Variants in CWF19L1 observed in about 807,000 individuals in gnomAD.
CWF19L1 encodes the protein CWF19-like protein 1.
A neutral mutation model predicts 69.7 loss-of-function variants in CWF19L1; 60 were observed. The observed-to-expected ratio is 0.86, with a 90% confidence interval of 0.70 to 1.07. The LOEUF (loss-of-function observed/expected upper bound fraction) is 1.07. CWF19L1 is among the 50% of genes least tolerant of loss of function. CWF19L1 has a pLI of 0.00. For missense variants in CWF19L1, 591 were observed against 638.9 expected (o/e 0.92, Z 0.81); for synonymous variants, 209 against 222.2 (o/e 0.94, Z 0.53).
chr10:100,233,565 A>G (rs1846342558), intron 13 of CWF19L1, 194 bp from the exon 14 acceptor site: 1 of 416,300 alleles, frequency 2.4e-6, no homozygotes, highest in South Asian at 8.6e-5. Context: ...GATCCTTCAA[A>G]CCCCACTTGC....
chr10:100,237,025 C>T, intron 11 of CWF19L1, 56 bp from the exon 12 acceptor site: 1 of 1,535,996 alleles, frequency 6.5e-7, no homozygotes, highest in Non-Finnish European at 8.8e-7. Flanking sequence ...GAAGTTGTGC[C>T]TGCACAGTCT....
intron 4 of CWF19L1, among the ~76,000 whole-genome samples, chr10:100,257,727 A>C (rs962560421): frequency 1.3e-5 from 2 of 152,042 alleles, no homozygotes; most frequent in Admixed American, 6.6e-5. Flanking sequence ...AGTTGACAAT[A>C]TCTTTACCTC....
rs557712843 is a variant in CWF19L1, at chr10:100,260,187, C to A, written c.289+31G>T. 720 of 1,304,116 alleles carry A rather than the reference C, an allele frequency of 5.5e-4. 2 individuals carry two copies. The African/African-American group carries it at 1.0e-2, about 18-fold the overall frequency. The allele number at this position is 1,304,116 out of a possible 1,614,324, so 80.8% of individuals were successfully genotyped here. A position where few individuals can be genotyped will look rare whatever the true frequency, so the allele number is the denominator to read the frequency against. The stretch of plus-strand genomic sequence containing the variant: ...CGTCTCAAAAACAAAAAACAAAAAA[C>A]AAAAAAAAAATACAACAAGTATCAG... On this transcript the variant is annotated intron_variant, in intron 4 of 13. Transcript: ENST00000354105.
chr10:100,255,985 A>C (rs888922689), intron 5 of CWF19L1, among the ~76,000 whole-genome samples: 2 of 152,136 alleles, frequency 1.3e-5, no homozygotes, highest in African/African-American at 4.8e-5. Flanking sequence ...AAACATTAAG[A>C]GGCTTAGGAA....
At chr10:100,258,843 GA>G (rs1354357844) in intron 4 of CWF19L1, among the ~76,000 whole-genome samples, 1 of 149,906 alleles carries the variant, frequency 6.7e-6, no homozygotes, top group African/African-American at 2.5e-5. Flanking sequence ...CAAAGGAAAT[GA>G]AGAAGTTTTC....
intron 1 of CWF19L1, among the ~76,000 whole-genome samples, chr10:100,267,075 C>T (rs1341489218): frequency 1.3e-5 from 2 of 149,486 alleles, no homozygotes; most frequent in South Asian, 2.1e-4. Flanking sequence ...GCGTCCGGCA[C>T]ACTGCAGTTC....
intron 2 of CWF19L1, 64 bp from the exon 3 acceptor site, chr10:100,261,108 G>T: frequency 9.6e-7 from 1 of 1,046,646 alleles, no homozygotes; most frequent in Non-Finnish European, 1.4e-6. Context: ...ATAATTGATA[G>T]TAATATTCAA....
chr10:100,259,536 T>C (rs921187299), intron 4 of CWF19L1, among the ~76,000 whole-genome samples: 1 of 152,186 alleles, frequency 6.6e-6, no homozygotes, highest in African/African-American at 2.4e-5. Flanking sequence ...CAAGATTGTA[T>C]GGTAAAGCCA....
rs576628226 is a variant in CWF19L1 at position 100,235,874 on chromosome 10, T to C, written c.1375-110A>G. 220 of 764,842 alleles carry C rather than the reference T, an allele frequency of 2.9e-4. 3 individuals carry two copies. The South Asian group carries it at 3.3e-3, about 11-fold the overall frequency. 47.4% of individuals were successfully genotyped at this position (764,842 alleles called of 1,614,324 possible). On this transcript the variant is annotated intron_variant, in intron 12 of 13. Transcript: ENST00000354105. ...TCTAAATGCACAAGAAAAAAAGATA[T>C]GTATGTTGCTATAGATCCCAAGCCA...
chr10:100,243,776 A>T lies in CWF19L1; in HGVS notation c.966T>A (p.Pro322=). The T allele has an allele frequency of 6.2e-7, 1 of 1,613,978 alleles. No individual in the cohort carries two copies. Among genetic ancestry groups the T allele is most frequent in the Non-Finnish European group, 8.5e-7 (1 of 1,179,826 alleles). The change falls in exon 10 of 14, where the codon CCT becomes CCA. Residue 322 remains proline (P), a splice_region_variant and synonymous_variant. Transcript: ENST00000354105. The part of the protein sequence containing the change: ...SPHPKQPRKP[P]QPPGPCWFCL... Reference sequence around the variant, plus strand: ...AAAACCAGCAGGGTCCTGGAGGCTGAGCTTCATGTAAAAGAAAGCCAGGTG... The same window carrying T: ...AAAACCAGCAGGGTCCTGGAGGCTGTGCTTCATGTAAAAGAAAGCCAGGTG...
chr10:100,249,021 G>T, intron 7 of CWF19L1: 1 of 618,766 alleles, frequency 1.6e-6, no homozygotes, highest in South Asian at 1.7e-5. Context: ...TATACTCTGG[G>T]AACATCAGCT....
At chr10:100,247,598 T>G (rs1846869543) in intron 7 of CWF19L1, among the ~76,000 whole-genome samples, 1 of 152,114 alleles carries the variant, frequency 6.6e-6, no homozygotes, top group South Asian at 2.1e-4. Context: ...AAAACTTTAA[T>G]AAAACTTTGA....
chr10:100,235,986 T>G lies in CWF19L1; in HGVS notation c.1375-222A>C, dbSNP rs191137755. On this transcript the variant is annotated intron_variant, in intron 12 of 13. Transcript: ENST00000354105. Reference sequence around the variant, plus strand: ...CGTCTATCCTTCTAAGTTCCTACCTTAGGAAATTCTAATTTCTTGCTCTTC... The same window carrying G: ...CGTCTATCCTTCTAAGTTCCTACCTGAGGAAATTCTAATTTCTTGCTCTTC... Among the ~76,000 whole-genome samples the G allele has an allele frequency of 2.6e-3, 389 of 152,288 alleles. 2 individuals carry two copies. The highest frequency in any genetic ancestry group is 9.1e-3 in the African/African-American group (379 of 41,576).
intron 10 of CWF19L1, 57 bp downstream of exon 10, chr10:100,243,641 G>A: frequency 7.0e-7 from 1 of 1,421,764 alleles, no homozygotes; most frequent in Non-Finnish European, 9.9e-7. Flanking sequence ...CCTCAATAAA[G>A]TTAATAAAAA....
chr10:100,261,042 C>T lies in CWF19L1; in HGVS notation c.111G>A (p.Leu37=). The T allele has an allele frequency of 6.2e-7, 1 of 1,610,706 alleles. No homozygotes were observed. Among genetic ancestry groups the T allele is most frequent in the Non-Finnish European group, 8.5e-7 (1 of 1,177,468 alleles). Residue 37 remains leucine, a splice_region_variant and synonymous_variant, in exon 3 of 14, where the codon CTG becomes CTA. Coordinates refer to ENST00000354105, the MANE Select transcript of CWF19L1 (RefSeq NM_018294.6). ...AIQKKSGNFD[L]LLCVGNFFGS... is the part of the protein sequence containing the mutation. ...CAAAGAAATTTCCTACACACAACAG[C>T]AGCTAAAATGAGTTTTTTAAACAGA...
intron 2 of CWF19L1, among the ~76,000 whole-genome samples, chr10:100,261,590 T>C (rs752705624): frequency 3.9e-5 from 6 of 152,206 alleles, no homozygotes; most frequent in Non-Finnish European, 7.3e-5. Flanking sequence ...TTGGCAACCA[T>C]ACACAACATT....
intron 1 of CWF19L1, among the ~76,000 whole-genome samples, chr10:100,265,273 T>TTA (rs1847536785): frequency 6.6e-6 from 1 of 152,204 alleles, no homozygotes. Flanking sequence ...GTAAAAAAAC[T>TTA]TAAAGTTTAT....
chr10:100,257,160 A>G (rs1342364682), intron 4 of CWF19L1, among the ~76,000 whole-genome samples: 1 of 152,154 alleles, frequency 6.6e-6, no homozygotes, highest in Non-Finnish European at 1.5e-5. Flanking sequence ...GAGTCTACTC[A>G]GCTGGCGCTT....
At chr10:100,254,869 T>C (rs1027920007) in intron 5 of CWF19L1, among the ~76,000 whole-genome samples, 3 of 152,186 alleles carry the variant, frequency 2.0e-5, no homozygotes, top group Non-Finnish European at 4.4e-5. Context: ...CTCTATGCCT[T>C]GTATTCTACG....
Sources: gnomAD v4.1 joint callset for allele counts (sites outside exome capture counted in the v4.1 genomes callset) on GRCh38, gnomAD v4.1.1 for gene constraint, MANE v1.5 for transcripts, NCBI Gene and HGNC (gene_info 2026-07-23, HGNC 2026-07-21) for gene names.